Variants in TMEM117 observed in about 807,000 individuals in gnomAD.
TMEM117 encodes transmembrane protein 117.
Under a neutral mutation model 52.4 loss-of-function variants are expected in TMEM117, and 27 were observed. That is an observed-to-expected ratio of 0.51 (90% CI 0.38 to 0.71). The LOEUF (loss-of-function observed/expected upper bound fraction) is 0.71, where lower values mean the gene tolerates loss of function less well. TMEM117 is among the 30% of genes least tolerant of loss of function. The pLI is 0.00. For missense variants in TMEM117, 556 were observed against 630.5 expected (o/e 0.88, Z 1.26); for synonymous variants, 215 against 206.3 (o/e 1.04, Z -0.36).
chr12:43,878,677 A>G (rs532069821), intron 2 of TMEM117, among the ~76,000 whole-genome samples: 27 of 152,374 alleles, frequency 1.8e-4, no homozygotes, highest in African/African-American at 6.3e-4. Context: ...AAATATTAAA[A>G]AGGAAAAACC....
chr12:43,796,203 G>A, the TMEM117 span, among the ~76,000 whole-genome samples: 1 of 152,092 alleles, frequency 6.6e-6, no homozygotes, highest in Admixed American at 6.6e-5. Context: ...AAGAATATAT[G>A]ACAGAGATTA....
chr12:44,090,418 A>G (rs1832558162), intron 3 of TMEM117, among the ~76,000 whole-genome samples: 1 of 145,814 alleles, frequency 6.9e-6, no homozygotes, highest in Non-Finnish European at 1.5e-5. Context: ...TTATTTATTT[A>G]TTTATTTATT....
At chr12:44,296,497 A>G (rs373801209) in intron 5 of TMEM117, among the ~76,000 whole-genome samples, 3 of 152,190 alleles carry the variant, frequency 2.0e-5, no homozygotes, top group Non-Finnish European at 2.9e-5. Flanking sequence ...TTCAGGATCT[A>G]CATTCAGCCT....
intron 3 of TMEM117, among the ~76,000 whole-genome samples, chr12:43,949,135 A>G (rs1459109812): frequency 6.6e-6 from 1 of 152,178 alleles, no homozygotes; most frequent in Non-Finnish European, 1.5e-5. Flanking sequence ...TGTTAGAGGA[A>G]AGAATTCAGC....
At chr12:43,796,895 A>G in the TMEM117 span, 2 of 1,372,958 alleles carry the variant, frequency 1.5e-6, no homozygotes, top group Non-Finnish European at 2.0e-6. Context: ...TTTCATTTAT[A>G]AATCACAGTA....
At chr12:44,196,448 T>C (rs1356165385) in intron 4 of TMEM117, among the ~76,000 whole-genome samples, 1 of 152,142 alleles carries the variant, frequency 6.6e-6, no homozygotes. Flanking sequence ...GATGTAACCA[T>C]ATGCTTCAAT....
At chr12:44,295,970 G>T (rs1228362722) in intron 5 of TMEM117, among the ~76,000 whole-genome samples, 5 of 152,138 alleles carry the variant, frequency 3.3e-5, no homozygotes, top group Admixed American at 3.3e-4. Flanking sequence ...TTTACAGATT[G>T]GCTTTGGCAG....
At chr12:44,187,948 A>G (rs1949299951) in intron 4 of TMEM117, among the ~76,000 whole-genome samples, 2 of 152,172 alleles carry the variant, frequency 1.3e-5, no homozygotes, top group African/African-American at 4.8e-5. Context: ...TGATGAAATA[A>G]CAGCTTTTTT....
intron 5 of TMEM117, among the ~76,000 whole-genome samples, chr12:44,219,354 G>T (rs1484057160): frequency 6.6e-6 from 1 of 152,130 alleles, no homozygotes; most frequent in African/African-American, 2.4e-5. Context: ...AAAAGAATTT[G>T]CTGATGATTA....
At chr12:44,019,847 C>T (rs1592445968) in intron 3 of TMEM117, among the ~76,000 whole-genome samples, 1 of 152,042 alleles carries the variant, frequency 6.6e-6, no homozygotes, top group East Asian at 1.9e-4. Flanking sequence ...AGTAATGAAT[C>T]CCCCCAAACT....
intron 4 of TMEM117, among the ~76,000 whole-genome samples, chr12:44,164,971 G>C (rs1417864748): frequency 6.6e-6 from 1 of 151,914 alleles, no homozygotes; most frequent in Non-Finnish European, 1.5e-5. Context: ...ACAATATATT[G>C]TTAACTATAG....
At chr12:43,882,475 A>AAAG (rs1319034880) in intron 2 of TMEM117, among the ~76,000 whole-genome samples, 4 of 151,582 alleles carry the variant, frequency 2.6e-5, no homozygotes, top group Non-Finnish European at 5.9e-5. Flanking sequence ...AAAAAAAAAA[A>AAAG]AAGAAATATT....
intron 5 of TMEM117, among the ~76,000 whole-genome samples, chr12:44,286,747 A>G (rs552535395): frequency 2.6e-4 from 39 of 152,340 alleles, no homozygotes; most frequent in African/African-American, 8.4e-4. Flanking sequence ...ATGTGCTACT[A>G]TGTCTCTAAT....
At chr12:44,070,511 G>T (rs1947285741) in intron 3 of TMEM117, among the ~76,000 whole-genome samples, 1 of 152,334 alleles carries the variant, frequency 6.6e-6, no homozygotes, top group African/African-American at 2.4e-5. Context: ...TGACAGTCAT[G>T]ATTCATGATA....
the TMEM117 span, chr12:43,797,673 G>C: frequency 6.2e-7 from 1 of 1,601,034 alleles, no homozygotes; most frequent in Non-Finnish European, 8.5e-7. Flanking sequence ...CTACCAAAAA[G>C]AGCAGCCACT....
chr12:44,266,568 G>C (rs1257891098), intron 5 of TMEM117, among the ~76,000 whole-genome samples: 5 of 151,982 alleles, frequency 3.3e-5, no homozygotes, highest in Non-Finnish European at 5.9e-5. Flanking sequence ...CTAGTTTGTG[G>C]CTTGCATTTT....
intron 3 of TMEM117, among the ~76,000 whole-genome samples, chr12:44,124,329 A>G (rs1033904666): frequency 8.5e-5 from 13 of 152,220 alleles, no homozygotes; most frequent in African/African-American, 2.9e-4. Flanking sequence ...TTCTAGATAT[A>G]GGATCATGTC....
chr12:44,064,274 A>T (rs924773097), intron 3 of TMEM117, among the ~76,000 whole-genome samples: 3 of 152,194 alleles, frequency 2.0e-5, no homozygotes, highest in African/African-American at 7.2e-5. Flanking sequence ...AAAAAGTTTA[A>T]AAGTTTCCGC....
At chr12:44,218,855 C>T (rs1045717921) in intron 5 of TMEM117, among the ~76,000 whole-genome samples, 1 of 152,114 alleles carries the variant, frequency 6.6e-6, no homozygotes, top group African/African-American at 2.4e-5. Flanking sequence ...TCCACACTGC[C>T]ACTCTTCATG....
Sources: gnomAD v4.1 joint callset for allele counts (sites outside exome capture counted in the v4.1 genomes callset) on GRCh38, gnomAD v4.1.1 for gene constraint, MANE v1.5 for transcripts, NCBI Gene and HGNC (gene_info 2026-07-23, HGNC 2026-07-21) for gene names.